The following SORCS2 variants were observed in gnomAD, a reference collection of about 807,000 sequenced individuals.
SORCS2 encodes sortilin related VPS10 domain containing receptor 2.
In SORCS2, 100 loss-of-function variants were observed where a neutral mutation model predicts 141.6. The observed-to-expected ratio is 0.71, with a 90% CI of 0.60 to 0.83. The LOEUF is 0.83. Ranked by LOEUF, SORCS2 falls within the 40% of genes least tolerant of loss-of-function variation. The pLI, the probability that SORCS2 is intolerant of heterozygous loss-of-function variation, is 0.00. For synonymous variants in SORCS2, 789 were observed against 676.9 expected (o/e 1.17, Z -2.57); for missense variants, 1,646 against 1,560.2 (o/e 1.05, Z -0.93).
chr4:7,209,474 TCC>T (rs1249968444), intron 1 of SORCS2, among the ~76,000 whole-genome samples: 1 of 152,116 alleles, frequency 6.6e-6, no homozygotes, highest in Non-Finnish European at 1.5e-5. Context: ...GCTACCAGCA[TCC>T]CCTTCCGGAA....
chr4:7,492,293 C>G (rs943945687), intron 2 of SORCS2, among the ~76,000 whole-genome samples: 1 of 152,264 alleles, frequency 6.6e-6, no homozygotes, highest in Non-Finnish European at 1.5e-5. Flanking sequence ...GGATTCTGCT[C>G]TTTAAGAAGT....
chr4:7,285,882 G>T (rs934707921), intron 1 of SORCS2, among the ~76,000 whole-genome samples: 1 of 152,202 alleles, frequency 6.6e-6, no homozygotes, highest in Non-Finnish European at 1.5e-5. Context: ...GCCGTTCTCT[G>T]ATGTTCGGTG....
rs973523766 is a variant in SORCS2, at chr4:7,192,755, C to T, written c.109C>T (p.Leu37=). The change falls in exon 1 of 27, where the codon CTG becomes TTG. Residue 37 remains leucine (L), a synonymous_variant. Coordinates refer to ENST00000507866, the MANE Select transcript of SORCS2 (RefSeq NM_020777.3). This position sits in a 1 kb window ranked among gnomAD's most constrained non-coding sequence, Gnocchi z 4.0. ...GCGCTCGCCGCGCTCGCGGCCGCTC[C>T]TGCTGCTGCTGCTGCTGCTGGGCGC... The part of the protein sequence containing the change: ...PPRSPRSRPL[L]LLLLLLGACG... 2.2e-4 allele frequency: 209 copies of T among 950,498 alleles called. 2 individuals are homozygous for T. The African/African-American group carries it at 4.0e-3, about 18-fold the overall frequency. The allele number at this position is 950,498 out of a possible 1,614,324, so 58.9% of individuals were successfully genotyped here.
chr4:7,265,700 C>T (rs538250497), intron 1 of SORCS2, among the ~76,000 whole-genome samples: 1 of 152,186 alleles, frequency 6.6e-6, no homozygotes, highest in Non-Finnish European at 1.5e-5. Context: ...TTTAGGGCCG[C>T]CCAGTGTAAT....
chr4:7,238,313 T>C (rs915362828), intron 1 of SORCS2, among the ~76,000 whole-genome samples: 1 of 152,112 alleles, frequency 6.6e-6, no homozygotes, highest in African/African-American at 2.4e-5. Flanking sequence ...TGGTACTGCA[T>C]ACAGCTTTGT....
chr4:7,647,814 G>C (rs1344454207), intron 4 of SORCS2, among the ~76,000 whole-genome samples: 1 of 152,254 alleles, frequency 6.6e-6, no homozygotes, highest in Non-Finnish European at 1.5e-5. Context: ...TGGTTCTTCT[G>C]ATCTGCTCAT....
At chr4:7,376,505 A>C (rs1450195742) in intron 1 of SORCS2, among the ~76,000 whole-genome samples, 2 of 152,202 alleles carry the variant, frequency 1.3e-5, no homozygotes, top group Non-Finnish European at 2.9e-5. Flanking sequence ...TGAACCCAGG[A>C]GGTGGAGGTT....
chr4:7,527,108 C>CG, intron 2 of SORCS2, among the ~76,000 whole-genome samples: 1 of 152,296 alleles, frequency 6.6e-6, no homozygotes, highest in African/African-American at 2.4e-5. Flanking sequence ...GGGGACCGCC[C>CG]GCCCCACCCA....
intron 2 of SORCS2, chr4:7,431,533 CAG>C (rs1165856447): frequency 6.6e-6 from 1 of 152,298 alleles, no homozygotes; most frequent in East Asian, 1.9e-4. Context: ...GGCAGGCAGA[CAG>C]AGAGCCTCTG....
chr4:7,524,781 C>G (rs1436016183), intron 2 of SORCS2, among the ~76,000 whole-genome samples: 1 of 152,142 alleles, frequency 6.6e-6, no homozygotes, highest in Non-Finnish European at 1.5e-5. Flanking sequence ...GGTGGTCCCC[C>G]TCCCCACCCC....
At chr4:7,732,274 T>C (rs895663261) in intron 23 of SORCS2, among the ~76,000 whole-genome samples, 6 of 152,186 alleles carry the variant, frequency 3.9e-5, no homozygotes, top group South Asian at 2.1e-4. Context: ...AGAATGGCTA[T>C]TGTCAAAATA....
chr4:7,314,207 G>A (rs914951884), intron 1 of SORCS2, among the ~76,000 whole-genome samples: 20 of 152,326 alleles, frequency 1.3e-4, no homozygotes, highest in African/African-American at 4.8e-4. Flanking sequence ...CTGGGCAGGG[G>A]CCTTGCTCTC....
At position 7,284,518 on chromosome 4, in the gene SORCS2, G is replaced by A. The variant is rs572358209; in HGVS notation, c.480+91392G>A. 2.6e-5 allele frequency among the ~76,000 whole-genome samples: 4 copies of A among 152,304 alleles called. No homozygotes were observed. In the East Asian group the frequency reaches 5.8e-4, roughly 22 times the overall value. Reference sequence around the variant, plus strand: ...CGCTGTGCAGACCTCAGGAGAGCTCGAGGTTATGACCTGGCAGCTCCATGA... The same window carrying A: ...CGCTGTGCAGACCTCAGGAGAGCTCAAGGTTATGACCTGGCAGCTCCATGA... On this transcript the variant is annotated intron_variant, in intron 1 of 26. Coordinates refer to ENST00000507866, the MANE Select transcript of SORCS2 (RefSeq NM_020777.3).
intron 1 of SORCS2, among the ~76,000 whole-genome samples, chr4:7,290,592 T>C (rs1223025377): frequency 6.6e-6 from 1 of 152,224 alleles, no homozygotes; most frequent in African/African-American, 2.4e-5. Context: ...CAGTGAACCA[T>C]ACTCTGCAAA....
chr4:7,290,104 C>T (rs182775278), intron 1 of SORCS2, among the ~76,000 whole-genome samples: 1 of 152,144 alleles, frequency 6.6e-6, no homozygotes, highest in South Asian at 2.1e-4. Context: ...CTGCAAGTAG[C>T]TGAGTGACCC....
At chr4:7,376,257 G>A (rs1223683389) in intron 1 of SORCS2, among the ~76,000 whole-genome samples, 3 of 142,972 alleles carry the variant, frequency 2.1e-5, no homozygotes, top group Non-Finnish European at 3.0e-5. Flanking sequence ...TAGAAAAGCT[G>A]GAAAATATGC....
At chr4:7,306,843 G>A (rs1717868778) in intron 1 of SORCS2, among the ~76,000 whole-genome samples, 1 of 152,236 alleles carries the variant, frequency 6.6e-6, no homozygotes, top group South Asian at 2.1e-4. Flanking sequence ...TTTGGGGTCA[G>A]TGGGACGGCA....
At chr4:7,457,013 G>A (rs1399682360) in intron 2 of SORCS2, among the ~76,000 whole-genome samples, 2 of 152,148 alleles carry the variant, frequency 1.3e-5, no homozygotes, top group Non-Finnish European at 2.9e-5. Flanking sequence ...GCCTGACACT[G>A]GGCATGGTGC....
intron 1 of SORCS2, among the ~76,000 whole-genome samples, chr4:7,366,717 T>C (rs1721920781): frequency 1.3e-5 from 2 of 152,058 alleles, no homozygotes; most frequent in African/African-American, 4.8e-5. Context: ...ATGATGTTTG[T>C]CACCATCAGA....
Sources: gnomAD v4.1 joint callset for allele counts (sites outside exome capture counted in the v4.1 genomes callset) on GRCh38, gnomAD v4.1.1 for gene constraint, Gnocchi (gnomAD v3.1) non-coding constraint, MANE v1.5 for transcripts, NCBI Gene and HGNC (gene_info 2026-07-23, HGNC 2026-07-21) for gene names.